DPP6: variants seen among roughly 807,000 people sequenced by gnomAD.
DPP6 encodes A-type potassium channel modulatory protein DPP6.
A neutral mutation model predicts 122.6 loss-of-function variants in DPP6; 69 were observed. The ratio of observed to expected loss-of-function variants is 0.56; its 90% CI spans 0.46 to 0.69. The LOEUF is 0.69. Ranked by LOEUF, DPP6 falls within the 30% of genes least tolerant of loss-of-function variation. The pLI is 0.00. For missense variants in DPP6, 928 were observed against 1,116.9 expected, an observed-to-expected ratio of 0.83 and a Z score of 2.41; for synonymous variants, 418 against 433.1, an observed-to-expected ratio of 0.97 and a Z score of 0.43.
chr7:154,401,498 A>G (rs573501431), intron 1 of DPP6, among the ~76,000 whole-genome samples: 34 of 152,348 alleles, frequency 2.2e-4, no homozygotes, highest in Non-Finnish European at 3.8e-4. Flanking sequence ...CCTGGGAGCC[A>G]CATAGGGTAT....
chr7:153,934,946 C>G (rs1212823942), intron 1 of DPP6, among the ~76,000 whole-genome samples: 1 of 152,188 alleles, frequency 6.6e-6, no homozygotes, highest in Admixed American at 6.5e-5. Context: ...GAAATGAAAA[C>G]AAGGCTTCGG....
chr7:154,362,524 C>T (rs1811815779), intron 1 of DPP6, among the ~76,000 whole-genome samples: 1 of 152,080 alleles, frequency 6.6e-6, no homozygotes, highest in Non-Finnish European at 1.5e-5. Context: ...AAGCGATTCT[C>T]CTGCCTCAGC....
chr7:154,716,689 G>C lies in DPP6; in HGVS notation c.763-11078G>C, dbSNP rs374415642. On this transcript the variant is annotated intron_variant, in intron 7 of 25. Transcript: ENST00000377770. ...CAGACATAGAATTTACTCAAAAAGA[G>C]AGCATTTTTTTTTTCTCCTGAATGG... Among the ~76,000 whole-genome samples the C allele has an allele frequency of 7.6e-3, 1,024 of 135,190 alleles. 11 individuals are homozygous for C. The highest frequency in any genetic ancestry group is 0.036 in the African/African-American group (994 of 27,822). The allele number at this position is 135,190 out of a possible 152,430, so 88.7% of individuals were successfully genotyped here.
At chr7:154,470,536 A>G (rs1475244061) in intron 2 of DPP6, among the ~76,000 whole-genome samples, 1 of 152,210 alleles carries the variant, frequency 6.6e-6, no homozygotes, top group African/African-American at 2.4e-5. Flanking sequence ...GTTTTCTGGT[A>G]TTTAAAATAT....
chr7:154,446,474 G>T, intron 2 of DPP6, 146 bp downstream of exon 2: 1 of 488,146 alleles, frequency 2.0e-6, no homozygotes, highest in Non-Finnish European at 3.5e-6. Context: ...ATATAATATG[G>T]TTTCAATTTT....
chr7:154,762,123 C>T (rs892254470), intron 8 of DPP6, among the ~76,000 whole-genome samples: 6 of 152,130 alleles, frequency 3.9e-5, no homozygotes, highest in African/African-American at 7.2e-5. Context: ...CACCTGGCCC[C>T]GACTCTAGTA....
At chr7:154,711,276 G>T (rs1722547051) in intron 7 of DPP6, among the ~76,000 whole-genome samples, 1 of 152,170 alleles carries the variant, frequency 6.6e-6, no homozygotes, top group Admixed American at 6.5e-5. Flanking sequence ...CCTAGTCTGG[G>T]CATGGTGGCC....
intron 10 of DPP6, 40 bp downstream of exon 10, chr7:154,772,982 A>AG (rs766204526): frequency 7.6e-7 from 1 of 1,314,836 alleles, no homozygotes; most frequent in Non-Finnish European, 1.0e-6. Flanking sequence ...AAAAAAAAAA[A>AG]CTAAGATGAA....
intron 6 of DPP6, among the ~76,000 whole-genome samples, chr7:154,641,202 A>G (rs900827443): frequency 2.0e-5 from 3 of 152,162 alleles, no homozygotes; most frequent in South Asian, 2.1e-4. Flanking sequence ...GGGAGTTGCA[A>G]TGAGACTCCC....
At chr7:154,649,715 C>T (rs752193444) in intron 6 of DPP6, among the ~76,000 whole-genome samples, 1 of 152,242 alleles carries the variant, frequency 6.6e-6, no homozygotes, top group African/African-American at 2.4e-5. Flanking sequence ...GGATGGTGTC[C>T]GGCCTGCAGG....
At chr7:154,891,504 G>GT (rs752131178) in intron 25 of DPP6, among the ~76,000 whole-genome samples, 111 of 152,312 alleles carry the variant, frequency 7.3e-4, no homozygotes, top group South Asian at 8.3e-4. Context: ...GCTCAGGCAA[G>GT]TTAACCTCCA....
intron 1 of DPP6, among the ~76,000 whole-genome samples, chr7:154,387,471 C>G (rs937457078): frequency 2.0e-5 from 3 of 152,200 alleles, no homozygotes; most frequent in Admixed American, 6.5e-5. Flanking sequence ...ACATCCAAGC[C>G]AAGGCTGAAA....
intron 3 of DPP6, among the ~76,000 whole-genome samples, chr7:154,499,700 G>T (rs766643248): frequency 3.3e-5 from 5 of 152,010 alleles, no homozygotes. Flanking sequence ...GCTTGAAGAA[G>T]TAACAAGTCA....
chr7:154,031,852 C>CT (rs1286174985), intron 1 of DPP6, among the ~76,000 whole-genome samples: 9 of 143,734 alleles, frequency 6.3e-5, no homozygotes, highest in Non-Finnish European at 7.5e-5. Flanking sequence ...TTCTTTTTTC[C>CT]TTTTTTTTGT....
intron 1 of DPP6, among the ~76,000 whole-genome samples, chr7:153,956,121 A>G (rs1255281069): frequency 1.3e-5 from 2 of 152,202 alleles, no homozygotes; most frequent in Non-Finnish European, 2.9e-5. Context: ...GGGTAGACCC[A>G]ATACAACCTG....
At chr7:154,261,871 A>G (rs1332555694) in intron 1 of DPP6, among the ~76,000 whole-genome samples, 1 of 152,178 alleles carries the variant, frequency 6.6e-6, no homozygotes, top group African/African-American at 2.4e-5. Flanking sequence ...AATGATTCAC[A>G]TTTTTTAAAA....
At chr7:154,555,080 A>G (rs554679503) in intron 4 of DPP6, among the ~76,000 whole-genome samples, 22 of 152,326 alleles carry the variant, frequency 1.4e-4, no homozygotes, top group African/African-American at 4.6e-4. Context: ...AACCATTTCA[A>G]TTATAGCCAG....
At chr7:154,235,210 G>A (rs1350915471) in intron 1 of DPP6, among the ~76,000 whole-genome samples, 2 of 152,180 alleles carry the variant, frequency 1.3e-5, no homozygotes, top group Admixed American at 1.3e-4. Flanking sequence ...TGGCACCCAG[G>A]CATCTGTGAT....
At chr7:154,387,802 G>C (rs190166694) in intron 1 of DPP6, among the ~76,000 whole-genome samples, 16 of 152,138 alleles carry the variant, frequency 1.1e-4, no homozygotes, top group Non-Finnish European at 2.1e-4. Flanking sequence ...GGAGAAGCTG[G>C]TGACTAACCA....
Sources: gnomAD v4.1 joint callset for allele counts (sites outside exome capture counted in the v4.1 genomes callset) on GRCh38, gnomAD v4.1.1 for gene constraint, MANE v1.5 for transcripts, NCBI Gene and HGNC (gene_info 2026-07-23, HGNC 2026-07-21) for gene names.